Variants in MAGI2 observed in about 807,000 individuals in gnomAD.
MAGI2 encodes the protein membrane associated guanylate kinase, WW and PDZ domain containing 2.
MAGI2 carries 35 observed loss-of-function variants against 133.3 expected under a neutral mutation model. The ratio of observed to expected loss-of-function variants is 0.26; its 90% CI spans 0.20 to 0.35. MAGI2 has a LOEUF of 0.35. Ranked by LOEUF, MAGI2 falls within the 10% of genes least tolerant of loss-of-function variation. MAGI2 has a pLI of 1.00. For missense variants in MAGI2, 1,636 were observed against 1,863.4 expected (o/e 0.88, Z 2.25); for synonymous variants, 729 against 710.6 (o/e 1.03, Z -0.41).
intron 1 of MAGI2, among the ~76,000 whole-genome samples, chr7:79,172,722 T>G (rs905057318): frequency 6.6e-5 from 10 of 152,072 alleles, no homozygotes; most frequent in African/African-American, 2.4e-4. Flanking sequence ...CAATAAAGCA[T>G]TGGAGATGTG....
chr7:79,176,932 A>G (rs1317491135), intron 1 of MAGI2: 1 of 152,010 alleles, frequency 6.6e-6, no homozygotes, highest in Non-Finnish European at 1.5e-5. Context: ...GGCAACAAAC[A>G]ATCGCATAAG....
At chr7:78,608,253 A>G (rs1012031954) in intron 3 of MAGI2, among the ~76,000 whole-genome samples, 1 of 151,848 alleles carries the variant, frequency 6.6e-6, no homozygotes, top group African/African-American at 2.4e-5. Context: ...AACCCTTCAA[A>G]TCAATCCTCT....
At chr7:79,317,299 CA>C (rs1207223783) in intron 1 of MAGI2, among the ~76,000 whole-genome samples, 2 of 152,074 alleles carry the variant, frequency 1.3e-5, no homozygotes, top group African/African-American at 4.8e-5. Flanking sequence ...GTTGGGATTA[CA>C]GGCATGAGCC....
intron 2 of MAGI2, among the ~76,000 whole-genome samples, chr7:78,900,837 G>C (rs1352258619): frequency 6.6e-6 from 1 of 152,130 alleles, no homozygotes; most frequent in East Asian, 1.9e-4. Context: ...TGAATATAGA[G>C]TGGGAACTCA....
At chr7:79,231,819 T>A (rs1831397414) in intron 1 of MAGI2, among the ~76,000 whole-genome samples, 1 of 151,172 alleles carries the variant, frequency 6.6e-6, no homozygotes, top group Non-Finnish European at 1.5e-5. Flanking sequence ...GGCCAGAACT[T>A]CTAACACTAT....
intron 2 of MAGI2, among the ~76,000 whole-genome samples, chr7:78,768,844 T>C (rs896811579): frequency 3.3e-5 from 5 of 152,190 alleles, no homozygotes; most frequent in Non-Finnish European, 2.9e-5. Flanking sequence ...GCCTCAACAC[T>C]GTACCTCTTG....
At chr7:79,171,770 A>ATATATATATATATATATTTTTTT in intron 1 of MAGI2, among the ~76,000 whole-genome samples, 19 of 31,204 alleles carry the variant, frequency 6.1e-4, no homozygotes, top group Non-Finnish European at 1.2e-3. Context: ...ATATATATAT[A>ATATATATATATATATATTTTTTT]TTTTTTTTTT....
intron 2 of MAGI2, among the ~76,000 whole-genome samples, chr7:78,880,407 T>C (rs543005850): frequency 4.6e-5 from 7 of 152,256 alleles, no homozygotes; most frequent in South Asian, 4.1e-4. Flanking sequence ...CCAGAAGAGA[T>C]TGGGGGCCTA....
chr7:79,288,177 G>A (rs1743232450), intron 1 of MAGI2, among the ~76,000 whole-genome samples: 1 of 152,100 alleles, frequency 6.6e-6, no homozygotes, highest in East Asian at 1.9e-4. Context: ...TCAAAGCCTG[G>A]CTCTGTCCCA....
intron 1 of MAGI2, among the ~76,000 whole-genome samples, chr7:79,036,250 A>G (rs758035593): frequency 2.6e-5 from 4 of 152,232 alleles, no homozygotes; most frequent in Non-Finnish European, 4.4e-5. Flanking sequence ...GCCAGCAAGT[A>G]TCTTCGTCTC....
intron 1 of MAGI2, among the ~76,000 whole-genome samples, chr7:79,099,929 C>T (rs6977105): frequency 0.61 from 92,879 of 152,026 alleles, 34,721 homozygotes; most frequent in Non-Finnish European, 0.83. Flanking sequence ...AGAAAGATCA[C>T]GAATTAGCTA....
At chr7:78,324,170 C>CACT (rs77844311) in intron 9 of MAGI2, among the ~76,000 whole-genome samples, 3,693 of 127,078 alleles carry the variant, frequency 0.029, 152 homozygotes, top group African/African-American at 0.11. Flanking sequence ...CACTACACTA[C>CACT]ACACTACACT....
intron 2 of MAGI2, among the ~76,000 whole-genome samples, chr7:78,900,762 T>G (rs1797563342): frequency 6.6e-6 from 1 of 152,184 alleles, no homozygotes; most frequent in Non-Finnish European, 1.5e-5. Flanking sequence ...TCCATGGAAC[T>G]TGAGCTGTAT....
At chr7:79,329,854 T>C (rs893497290) in intron 1 of MAGI2, among the ~76,000 whole-genome samples, 4 of 152,158 alleles carry the variant, frequency 2.6e-5, no homozygotes, top group Non-Finnish European at 4.4e-5. Context: ...ATCTAGCAAA[T>C]TGAAAACCAA....
rs554010061 is a variant in MAGI2 at position 78,529,668 on chromosome 7, G to GTTTTTTTTTTTTT, written c.539-8036_539-8024dup. The stretch of plus-strand genomic sequence containing the variant: ...TTTCTTTTCCTTGCTAAAGGAGATG[G>GTTTTTTTTTTTTT]TTTTTTTTTTTTTTTTTTTTTTTTT... On this transcript the variant is annotated intron_variant, in intron 3 of 21. Coordinates refer to ENST00000354212, the MANE Select transcript of MAGI2 (RefSeq NM_012301.4). Among the ~76,000 whole-genome samples the GTTTTTTTTTTTTT allele has an allele frequency of 1.8e-3, 102 of 57,406 alleles. 26 individuals are homozygous for GTTTTTTTTTTTTT. The highest frequency in any genetic ancestry group is 0.014 in the Middle Eastern group (1 of 70). The allele number at this position is 57,406 out of a possible 152,430, so 37.7% of individuals were successfully genotyped here.
At chr7:78,895,901 C>T (rs929427523) in intron 2 of MAGI2, among the ~76,000 whole-genome samples, 6 of 151,906 alleles carry the variant, frequency 3.9e-5, no homozygotes, top group Non-Finnish European at 5.9e-5. Flanking sequence ...AAAATATATA[C>T]GCATGATGGA....
At chr7:78,930,199 T>C (rs1021133906) in intron 2 of MAGI2, among the ~76,000 whole-genome samples, 1 of 152,092 alleles carries the variant, frequency 6.6e-6, no homozygotes, top group African/African-American at 2.4e-5. Context: ...CAGAAGCAAA[T>C]TACTCAATTT....
chr7:78,706,969 C>T (rs960022096), intron 2 of MAGI2, among the ~76,000 whole-genome samples: 2 of 152,052 alleles, frequency 1.3e-5, no homozygotes. Flanking sequence ...AATGACTTGG[C>T]CCTCCAGAAG....
chr7:78,674,425 C>T (rs1180129189), intron 2 of MAGI2, among the ~76,000 whole-genome samples: 2 of 151,936 alleles, frequency 1.3e-5, no homozygotes, highest in Non-Finnish European at 2.9e-5. Flanking sequence ...ACATGTTAGG[C>T]CCCAAGTTTC....
Sources: allele counts gnomAD v4.1 joint callset (sites outside exome capture counted in the v4.1 genomes callset), GRCh38; gene constraint gnomAD v4.1.1; transcripts MANE v1.5; gene names NCBI Gene and HGNC (gene_info 2026-07-23, HGNC 2026-07-21).